PDE8B: variants seen among roughly 807,000 people sequenced by gnomAD.
PDE8B encodes the protein high affinity cAMP-specific and IBMX-insensitive 3',5'-cyclic phosphodiesterase 8B.
Under a neutral mutation model 101.3 loss-of-function variants are expected in PDE8B, and 26 were observed. The observed-to-expected ratio is 0.26, with a 90% confidence interval of 0.19 to 0.36. The LOEUF is 0.36. PDE8B is among the 10% of genes least tolerant of loss of function. PDE8B has a pLI of 1.00. For synonymous variants in PDE8B, 424 were observed against 429.3 expected (o/e 0.99, Z 0.15); for missense variants, 810 against 1,163.1 (o/e 0.70, Z 4.42).
the PDE8B span, among the ~76,000 whole-genome samples, chr5:77,191,956 G>A: frequency 2.0e-5 from 3 of 152,204 alleles, no homozygotes; most frequent in Non-Finnish European, 4.4e-5. Flanking sequence ...CTCATAAGGA[G>A]TGTGCAACCT....
intron 1 of PDE8B, among the ~76,000 whole-genome samples, chr5:77,247,373 G>A (rs1757164787): frequency 6.6e-6 from 1 of 152,134 alleles, no homozygotes; most frequent in Non-Finnish European, 1.5e-5. Context: ...GGTGCCTCGG[G>A]GTCCCAAATG....
the PDE8B span, among the ~76,000 whole-genome samples, chr5:77,122,212 G>A: frequency 6.6e-6 from 1 of 152,148 alleles, no homozygotes; most frequent in African/African-American, 2.4e-5. Context: ...CACTGCGATT[G>A]CCCATCCACC....
chr5:77,217,762 C>T (rs1254964375), intron 1 of PDE8B, among the ~76,000 whole-genome samples: 5 of 152,178 alleles, frequency 3.3e-5, no homozygotes, highest in Admixed American at 3.3e-4. Context: ...GTCTCAAACT[C>T]CTGAGCTCAA....
At chr5:77,122,998 G>C in the PDE8B span, among the ~76,000 whole-genome samples, 27 of 152,256 alleles carry the variant, frequency 1.8e-4, no homozygotes, top group East Asian at 4.3e-3. Context: ...TCATTGAATT[G>C]AACAGAGATT....
rs1781966372 is a variant in PDE8B at position 77,355,668 on chromosome 5, A to G, written c.1167+2262A>G. ...TCTGTTGTCTTCCTCTCCTCTGCAC[A>G]CACACTTTCTCCCCAAATATGTGTT... On this transcript the variant is annotated intron_variant, in intron 10 of 21. Transcript: ENST00000264917. Among the ~76,000 whole-genome samples, 5 of 152,198 alleles carry G rather than the reference A, an allele frequency of 3.3e-5. No homozygotes were observed. In the South Asian group the frequency reaches 1.0e-3, roughly 32 times the overall value.
chr5:77,205,123 T>C, the PDE8B span, among the ~76,000 whole-genome samples: 6 of 152,144 alleles, frequency 3.9e-5, no homozygotes, highest in Non-Finnish European at 8.8e-5. Context: ...ACTTTTGTAC[T>C]ATGCAGACTC....
intron 1 of PDE8B, among the ~76,000 whole-genome samples, chr5:77,282,610 T>C (rs879460138): frequency 9.9e-5 from 15 of 152,070 alleles, no homozygotes; most frequent in Admixed American, 5.9e-4. Context: ...TAGAGCCTCC[T>C]ATCTGCTGCT....
In PDE8B at chr5:77,312,058, G is replaced by T; in HGVS notation, c.399+5G>T. On this transcript the variant is annotated splice_donor_5th_base_variant and intron_variant, in intron 2 of 21. Transcript: ENST00000264917. ...CTGACGCAGGACCCTATTCAGGTAC[G>T]CCTCCTTTACTCAGCCCTGTGACTC... 1.2e-6 allele frequency: 2 copies of T among 1,601,578 alleles called. No individual in the cohort carries two copies. The highest frequency in any genetic ancestry group is 1.1e-5 in the South Asian group (1 of 90,764).
chr5:77,183,969 C>CTTT, the PDE8B span, among the ~76,000 whole-genome samples: 9 of 137,248 alleles, frequency 6.6e-5, no homozygotes, highest in East Asian at 1.2e-3. Context: ...TAAATACATA[C>CTTT]TTTTTTTTTT....
At chr5:77,304,936 G>C (rs1239126773) in intron 1 of PDE8B, among the ~76,000 whole-genome samples, 3 of 152,204 alleles carry the variant, frequency 2.0e-5, no homozygotes, top group Non-Finnish European at 2.9e-5. Flanking sequence ...AGCTGTCAAT[G>C]TCTGGGTCCA....
At chr5:77,104,046 GGT>G in the PDE8B span, among the ~76,000 whole-genome samples, 1 of 152,202 alleles carries the variant, frequency 6.6e-6, no homozygotes, top group Non-Finnish European at 1.5e-5. Context: ...TTGGAAGCCT[GGT>G]GGCTGAGGAC....
At chr5:77,307,369 A>G (rs1771471379) in intron 1 of PDE8B, among the ~76,000 whole-genome samples, 1 of 152,190 alleles carries the variant, frequency 6.6e-6, no homozygotes, top group Admixed American at 6.5e-5. Flanking sequence ...CTCAACTTCA[A>G]AGTGGGAGAG....
the PDE8B span, chr5:77,114,453 T>G: frequency 0.093 from 14,074 of 151,572 alleles, 787 homozygotes; most frequent in South Asian, 0.16. Flanking sequence ...TAGGTGGGAG[T>G]TGAACAATGA....
At chr5:77,242,782 C>T (rs1756033068) in intron 1 of PDE8B, among the ~76,000 whole-genome samples, 1 of 152,110 alleles carries the variant, frequency 6.6e-6, no homozygotes, top group Non-Finnish European at 1.5e-5. Flanking sequence ...CGCCATTCTC[C>T]TGCCTCAGCC....
chr5:77,312,777 A>T (rs960244248), intron 2 of PDE8B, among the ~76,000 whole-genome samples: 2 of 152,186 alleles, frequency 1.3e-5, no homozygotes, highest in African/African-American at 2.4e-5. Context: ...TAATGATAGC[A>T]GTTGCTGTTG....
the PDE8B span, among the ~76,000 whole-genome samples, chr5:77,104,329 T>C: frequency 1.3e-5 from 2 of 152,226 alleles, no homozygotes; most frequent in African/African-American, 2.4e-5. Flanking sequence ...GGCAGTGCTA[T>C]GGTTTGAATG....
chr5:77,196,231 G>T, the PDE8B span, among the ~76,000 whole-genome samples: 1 of 151,934 alleles, frequency 6.6e-6, no homozygotes, highest in African/African-American at 2.4e-5. Context: ...GCATTGTGTT[G>T]TTACTCTCTT....
At chr5:77,340,577 A>G (rs1581134863) in intron 6 of PDE8B, among the ~76,000 whole-genome samples, 1 of 148,078 alleles carries the variant, frequency 6.8e-6, no homozygotes, top group Non-Finnish European at 1.5e-5. Context: ...GCCCAGTCCT[A>G]CCCTTGTTCC....
the PDE8B span, among the ~76,000 whole-genome samples, chr5:77,197,084 C>T: frequency 1.9e-4 from 26 of 138,222 alleles, no homozygotes; most frequent in Admixed American, 1.5e-3. Context: ...AGAGGTTTAT[C>T]TATTGTACTG....
Sources: allele counts gnomAD v4.1 joint callset (sites outside exome capture counted in the v4.1 genomes callset), GRCh38; gene constraint gnomAD v4.1.1; transcripts MANE v1.5; gene names NCBI Gene and HGNC (gene_info 2026-07-23, HGNC 2026-07-21).